The following LIG3 variants were observed in gnomAD, a reference collection of about 807,000 sequenced individuals.
The protein encoded by LIG3 is ligase II, DNA, ATP-dependent.
Under a neutral mutation model 110.9 loss-of-function variants are expected in LIG3, and 58 were observed. The ratio of observed to expected loss-of-function variants is 0.52; its 90% confidence interval spans 0.42 to 0.65. LIG3 has a LOEUF of 0.65. Ranked by LOEUF, LIG3 falls within the 30% of genes least tolerant of loss-of-function variation. The pLI, the probability that LIG3 is intolerant of heterozygous loss-of-function variation, is 0.00. For missense variants in LIG3, 1,094 were observed against 1,273.8 expected (o/e 0.86, Z 2.15); for synonymous variants, 422 against 472.8 (o/e 0.89, Z 1.39).
intron 19 of LIG3, 143 bp from the exon 20 acceptor site, chr17:35,004,130 G>T (rs761977597): frequency 3.2e-6 from 2 of 631,622 alleles, no homozygotes; most frequent in Non-Finnish European, 5.7e-6. Flanking sequence ...AGGGGTGGGG[G>T]TATTGATGCA....
chr17:34,995,047 G>T (rs956949650), intron 9 of LIG3, among the ~76,000 whole-genome samples: 10 of 152,164 alleles, frequency 6.6e-5, no homozygotes, highest in Non-Finnish European at 2.9e-5. Context: ...CTTTGGGAGT[G>T]TCTTCAGGGA....
At position 34,983,303 on chromosome 17, in the gene LIG3, C is replaced by T. The variant is rs36021499; in HGVS notation, c.298C>T (p.Arg100Cys). 1.9e-5 allele frequency: 31 copies of T among 1,614,074 alleles called. No individual in the cohort carries two copies. Among genetic ancestry groups the T allele is most frequent in the African/African-American group, 6.7e-5 (5 of 74,908 alleles). The stretch of plus-strand genomic sequence containing the variant: ...ACGGTTCTGTGTGGACTATGCCAAG[C>T]GTGGCACAGCTGGCTGCAAAAAATG... ...EQRFCVDYAKRGTAGCKKCKE... is the reference protein window; with the variant it reads ...EQRFCVDYAKCGTAGCKKCKE... The change falls in exon 2 of 20, where the codon CGT (arginine) becomes TGT (cysteine). Residue 100 changes from arginine (R) to cysteine (C), a missense_variant. Physicochemically the swap from Arg to Cys is radical, Grantham distance 180. Transcript: ENST00000378526.
chr17:34,998,670 A>G lies in LIG3; in HGVS notation c.2056A>G (p.Met686Val). 1.9e-6 allele frequency: 3 copies of G among 1,614,200 alleles called. No individual in the cohort carries two copies. Among genetic ancestry groups the G allele is most frequent in the South Asian group, 1.1e-5 (1 of 91,082 alleles). ...GAAAGACTATTTGAACGAGGGGGCC[A>G]TGGCCGACACAGCTGACCTGGTGGT... The part of the protein sequence containing the change: ...VKKDYLNEGA[M>V]ADTADLVVLG... Residue 686 changes from methionine (M) to valine (V), a missense_variant, in exon 14 of 20, where the codon ATG (methionine) becomes GTG (valine). Coordinates refer to ENST00000378526, the MANE Select transcript of LIG3 (RefSeq NM_013975.4).
At chr17:34,993,873 T>C (rs1484553900) in intron 8 of LIG3, among the ~76,000 whole-genome samples, 2 of 152,186 alleles carry the variant, frequency 1.3e-5, no homozygotes, top group East Asian at 3.8e-4. Context: ...CCAGCCTCAC[T>C]GTCACCTGCA....
rs188396172 is a variant in LIG3 at position 35,002,029 on chromosome 17, C to T, written c.2599C>T (p.Arg867Cys). ...GGGTCCCTCAGGGTCTGCTGTGTCC[C>T]GCAAGGCCCCCAGCAAGCCCTCAGC... Reference protein sequence around the residue: ...NKGPSGSAVSRKAPSKPSAST... With the variant: ...NKGPSGSAVSCKAPSKPSAST... Residue 867 changes from arginine (R) to cysteine (C), a missense_variant, in exon 18 of 20, where the codon CGC (arginine) becomes TGC (cysteine). By Grantham distance (180) the Arg-to-Cys change is radical. Transcript: ENST00000378526. 46 of 1,610,146 alleles carry T rather than the reference C, an allele frequency of 2.9e-5. No homozygotes were observed. The East Asian group carries it at 7.2e-4, about 25-fold the overall frequency.
At position 35,006,421 on chromosome 17, in the gene LIG3, C is replaced by G. The variant is rs936247050; in HGVS notation, c.*1915C>G. On this transcript the variant is annotated 3_prime_UTR_variant, in exon 20 of 20. Coordinates refer to ENST00000378526, the MANE Select transcript of LIG3 (RefSeq NM_013975.4). ...AATGGCTCTAACCTTAGGCAAGTTACGTTAACATCTAAGCCTCAATCCCTC... is the reference window on the plus strand; with the variant it reads ...AATGGCTCTAACCTTAGGCAAGTTAGGTTAACATCTAAGCCTCAATCCCTC... 1.3e-5 allele frequency: 2 copies of G among 152,316 alleles called. No homozygotes were observed. Among genetic ancestry groups the G allele is most frequent in the Non-Finnish European group, 2.9e-5 (2 of 68,152 alleles). 9.4% of individuals were successfully genotyped at this position (152,316 alleles called of 1,614,324 possible).
intron 3 of LIG3, among the ~76,000 whole-genome samples, chr17:34,987,826 C>T (rs969841534): frequency 6.6e-6 from 1 of 152,072 alleles, no homozygotes. Flanking sequence ...CCTCATCTAC[C>T]CCATAGTGTT....
Position 34,983,572 on chromosome 17 carries a change from T to C in LIG3, c.547+20T>C, listed in dbSNP as rs374031922. 141 of 1,596,494 alleles carry C rather than the reference T, an allele frequency of 8.8e-5. No individual in the cohort carries two copies. The highest frequency in any genetic ancestry group is 1.2e-4 in the Non-Finnish European group (137 of 1,170,594). On this transcript the variant is annotated intron_variant, in intron 2 of 19. Coordinates refer to ENST00000378526, the MANE Select transcript of LIG3 (RefSeq NM_013975.4). ...TTGCAGGTAAGGTAGAGAACACTGC[T>C]TTCTCATCTTACTGGTGCTGAGAGA... is the stretch of plus-strand genomic sequence containing the variant.
At position 35,002,872 on chromosome 17, in the gene LIG3, G is replaced by A. The variant is rs540299531; in HGVS notation, c.2796+83G>A. 2.2e-5 allele frequency: 35 copies of A among 1,578,674 alleles called. 1 individual carries two copies. The highest frequency in any genetic ancestry group is 3.7e-4 in the Middle Eastern group (2 of 5,454). On this transcript the variant is annotated intron_variant, in intron 19 of 19. Coordinates refer to ENST00000378526, the MANE Select transcript of LIG3 (RefSeq NM_013975.4). ...AACCTTCTGTACAAGAAGTTTGAAA[G>A]AGGATGAGCAAAGGTGTTTGGGGAA... is the stretch of plus-strand genomic sequence containing the variant.
At chr17:35,004,141 T>C (rs560982720) in intron 19 of LIG3, 132 bp from the exon 20 acceptor site, 2 of 656,404 alleles carry the variant, frequency 3.0e-6, no homozygotes, top group East Asian at 2.7e-5. Context: ...TATTGATGCA[T>C]GGTATTCCAG....
At chr17:34,997,899 C>A in intron 12 of LIG3, 74 bp downstream of exon 12, 3 of 1,090,494 alleles carry the variant, frequency 2.8e-6, no homozygotes, top group Non-Finnish European at 4.2e-6. Context: ...GGGTCAACTG[C>A]GACTGGAAGA....
At chr17:35,000,280 C>T (rs541801672) in intron 16 of LIG3, among the ~76,000 whole-genome samples, 5 of 152,316 alleles carry the variant, frequency 3.3e-5, no homozygotes, top group East Asian at 1.9e-4. Context: ...GTTTTTGAGA[C>T]GGAGTTTCAC....
At position 35,004,325 on chromosome 17, in the gene LIG3, C is replaced by G; in HGVS notation, c.2849C>G (p.Pro950Arg). 2 of 1,614,158 alleles carry G rather than the reference C, an allele frequency of 1.2e-6. No individual in the cohort carries two copies. Among genetic ancestry groups the G allele is most frequent in the Non-Finnish European group, 1.7e-6 (2 of 1,180,034 alleles). ...CGGCTTTACTTGCCACCCTCCACAC[C>G]AGACTTCAGCCGTCTCAGACGCTAC... The part of the protein sequence containing the change: ...GVRLYLPPST[P>R]DFSRLRRYFV... Residue 950 changes from proline (P) to arginine (R), a missense_variant, in exon 20 of 20, where the codon CCA (proline) becomes CGA (arginine). Transcript: ENST00000378526.
Position 34,994,281 on chromosome 17 carries a change from G to C in LIG3, c.1461G>C (p.Glu487Asp), listed in dbSNP as rs752208648. ...LMTPVQPMLAEACKSVEYAMK... is the reference protein window; with the variant it reads ...LMTPVQPMLADACKSVEYAMK... ...TTTGCTTTCCCCACCCCAAGGCGGA[G>C]GCCTGCAAGTCCGTTGAGTATGCAA... The change falls in exon 9 of 20, where the codon GAG (glutamate) becomes GAC (aspartate). Residue 487 changes from glutamate (E) to aspartate (D), a missense_variant. Glu to Asp is a conservative substitution (Grantham distance 45). Transcript: ENST00000378526. 1 of 1,612,066 alleles carries C rather than the reference G, an allele frequency of 6.2e-7. No homozygotes were observed. The highest frequency in any genetic ancestry group is 1.1e-5 in the South Asian group (1 of 90,894).
rs1237153237 is a variant in LIG3 at position 34,989,473 on chromosome 17, C to T, written c.699C>T (p.Pro233=). 6.2e-7 allele frequency: 1 copy of T among 1,613,720 alleles called. No individual in the cohort carries two copies. The highest frequency in any genetic ancestry group is 8.5e-7 in the Non-Finnish European group (1 of 1,179,918). ...PRKFSGFSAK[P]NNSGEAPSSP... is the part of the protein sequence containing the mutation. ...CTGTTGTTTCTCCAACAGCCAAGCC[C>T]AACAACTCTGGGGAAGCCCCCTCGA... The change falls in exon 4 of 20, where the codon CCC becomes CCT. Residue 233 remains proline (P), a synonymous_variant. Coordinates refer to ENST00000378526, the MANE Select transcript of LIG3 (RefSeq NM_013975.4).
At chr17:34,992,904 C>T (rs185235515) in intron 8 of LIG3, among the ~76,000 whole-genome samples, 197 of 152,208 alleles carry the variant, frequency 1.3e-3, no homozygotes, top group African/African-American at 4.5e-3. Flanking sequence ...GAGTTGTAGG[C>T]CCAGCTACGC....
At chr17:34,999,042 C>G in intron 14 of LIG3, 1 of 515,700 alleles carries the variant, frequency 1.9e-6, no homozygotes, top group East Asian at 3.1e-5. Context: ...GTCTGAGGAA[C>G]TAATACTTTT....
At chr17:34,991,330 C>G (rs1034409427) in intron 5 of LIG3, 5 of 583,934 alleles carry the variant, frequency 8.6e-6, no homozygotes, top group Admixed American at 6.7e-5. Flanking sequence ...AACTGCTGAA[C>G]CACAAAGGCC....
At chr17:34,990,469 G>A (rs541511224) in intron 4 of LIG3, among the ~76,000 whole-genome samples, 12 of 152,254 alleles carry the variant, frequency 7.9e-5, no homozygotes, top group African/African-American at 2.6e-4. Context: ...TTGTAGAGAC[G>A]GGGTTTTGCT....
Sources: gnomAD v4.1 joint callset for allele counts (sites outside exome capture counted in the v4.1 genomes callset) on GRCh38, gnomAD v4.1.1 for gene constraint, MANE v1.5 for transcripts, NCBI Gene and HGNC (gene_info 2026-07-23, HGNC 2026-07-21) for gene names.